The following GOT2 variants were observed in gnomAD, a reference collection of about 807,000 sequenced individuals.
The protein encoded by GOT2 is aspartate aminotransferase, mitochondrial.
GOT2 carries 17 observed loss-of-function variants against 50.0 expected under a neutral mutation model. That is an observed-to-expected ratio of 0.34 (90% CI 0.23 to 0.51). GOT2 has a LOEUF of 0.51. Among genes scored for constraint, GOT2 ranks in the 20% least tolerant of loss-of-function variants. The pLI is 0.97. For missense variants in GOT2, 430 were observed against 559.6 expected, an observed-to-expected ratio of 0.77 and a Z score of 2.34; for synonymous variants, 172 against 204.9, an observed-to-expected ratio of 0.84 and a Z score of 1.37.
chr16:58,728,842 G>A (rs1355176593), intron 1 of GOT2, among the ~76,000 whole-genome samples: 1 of 152,030 alleles, frequency 6.6e-6, no homozygotes, highest in Non-Finnish European at 1.5e-5. Context: ...CACCACGCCC[G>A]GCTAATTTTT....
In GOT2 at chr16:58,734,282, GAC is replaced by G. The variant is rs1346586551; in HGVS notation, c.-56_-55del. ...CGCAGGACGGAGCAGAGGGCGAGCG[GAC>G]ACACACACAGGGAACCGGCTCCTGC... On this transcript the variant is annotated 5_prime_UTR_variant, in exon 1 of 10. Coordinates refer to ENST00000245206, the MANE Select transcript of GOT2 (RefSeq NM_002080.4). The G allele has an allele frequency of 6.6e-5, 65 of 980,192 alleles. No homozygotes were observed. Among genetic ancestry groups the G allele is most frequent in the South Asian group, 2.1e-4 (5 of 23,440 alleles). 60.7% of individuals were successfully genotyped at this position (980,192 alleles called of 1,614,324 possible).
chr16:58,717,941 C>T (rs908643309), intron 6 of GOT2, among the ~76,000 whole-genome samples: 1 of 152,226 alleles, frequency 6.6e-6, no homozygotes, highest in Non-Finnish European at 1.5e-5. Context: ...CCTGCCTCGA[C>T]CTCCCAAAGT....
At chr16:58,726,035 T>A (rs257637) in intron 1 of GOT2, among the ~76,000 whole-genome samples, 107,199 of 152,104 alleles carry the variant, frequency 0.7, 38,494 homozygotes, top group Middle Eastern at 0.86. Context: ...TGTTATACTT[T>A]TTGATTCATT....
chr16:58,708,879 A>G (rs1474137343), intron 9 of GOT2, among the ~76,000 whole-genome samples: 2 of 152,108 alleles, frequency 1.3e-5, no homozygotes, highest in African/African-American at 2.4e-5. Flanking sequence ...AATGCTAAAA[A>G]GTATTACAAT....
At position 58,708,597 on chromosome 16, in the gene GOT2, C is replaced by T. The variant is rs185574031; in HGVS notation, c.1171-304G>A. ...TTGCGCCAATGCACTCCAGCCTGGG[C>T]GACACAGTGAGACTCCATCTCAAAA... On this transcript the variant is annotated intron_variant, in intron 9 of 9. Coordinates refer to ENST00000245206, the MANE Select transcript of GOT2 (RefSeq NM_002080.4). Among the ~76,000 whole-genome samples the T allele has an allele frequency of 5.2e-3, 763 of 147,292 alleles. 2 individuals are homozygous for T. Among genetic ancestry groups the T allele is most frequent in the African/African-American group, 0.018 (699 of 39,778 alleles).
At chr16:58,719,315 A>T (rs1454774136) in intron 3 of GOT2, 60 bp from the exon 4 acceptor site, 6 of 1,136,772 alleles carry the variant, frequency 5.3e-6, no homozygotes, top group Non-Finnish European at 6.7e-6. Context: ...GCCCAGACCC[A>T]GGGCCACTGC....
In GOT2 at chr16:58,709,344, GA is replaced by G. The variant is rs561297553; in HGVS notation, c.1170+72del. 212 of 1,213,296 alleles carry G rather than the reference GA, an allele frequency of 1.7e-4. No individual in the cohort carries two copies. The African/African-American group carries it at 2.5e-3, about 14-fold the overall frequency. 75.2% of individuals were successfully genotyped at this position (1,213,296 alleles called of 1,614,324 possible). On this transcript the variant is annotated intron_variant, in intron 9 of 9. Coordinates refer to ENST00000245206, the MANE Select transcript of GOT2 (RefSeq NM_002080.4). ...AAAACATTAAATAAAAAAGAAAAAA[GA>G]AAAAAAAGTAATCCTTCGGGTTTGC...
At chr16:58,717,973 C>T (rs939214817) in intron 6 of GOT2, among the ~76,000 whole-genome samples, 2 of 152,248 alleles carry the variant, frequency 1.3e-5, no homozygotes, top group African/African-American at 2.4e-5. Flanking sequence ...AGGCGTGAGC[C>T]ACCGCGCCCA....
intron 1 of GOT2, among the ~76,000 whole-genome samples, chr16:58,726,483 C>CTTTACTTATTTATTTATTTA (rs2044784493): frequency 6.9e-6 from 1 of 144,568 alleles, no homozygotes; most frequent in African/African-American, 2.6e-5. Flanking sequence ...CCCCGGCCTG[C>CTTTACTTATTTATTTATTTA]TTTATTTATT....
Position 58,734,172 on chromosome 16 carries a change from C to T in GOT2, c.57G>A (p.Pro19=), listed in dbSNP as rs754379149. 7 of 1,332,684 alleles carry T rather than the reference C, an allele frequency of 5.3e-6. No homozygotes were observed. In the South Asian group the frequency reaches 1.0e-4, roughly 19 times the overall value. 82.6% of individuals were successfully genotyped at this position (1,332,684 alleles called of 1,614,324 possible). Reference sequence around the variant, plus strand: ...TGGCAGAGGCCGCGGCGGCGAGGCCCGGGTGGAAGGCGGCGGCGATCCCGG... The same window carrying T: ...TGGCAGAGGCCGCGGCGGCGAGGCCTGGGTGGAAGGCGGCGGCGATCCCGG... ...VLPGIAAAFH[P]GLAAAASARA... The change falls in exon 1 of 10, where the codon CCG becomes CCA. Residue 19 remains proline (P), a synonymous_variant. Transcript: ENST00000245206.
At chr16:58,729,105 T>C (rs2044811569) in intron 1 of GOT2, among the ~76,000 whole-genome samples, 1 of 151,910 alleles carries the variant, frequency 6.6e-6, no homozygotes, top group African/African-American at 2.4e-5. Flanking sequence ...TTGCCTCTCA[T>C]TTTGTGTTGC....
intron 1 of GOT2, among the ~76,000 whole-genome samples, chr16:58,730,640 C>T (rs2044827742): frequency 6.6e-6 from 1 of 152,166 alleles, no homozygotes; most frequent in South Asian, 2.1e-4. Flanking sequence ...GCTGAGATTA[C>T]AGGTGTGAGC....
rs1418030467 is a variant in GOT2 at position 58,727,248 on chromosome 16, C to T, written c.90-3346G>A. Among the ~76,000 whole-genome samples, 3 of 152,264 alleles carry T rather than the reference C, an allele frequency of 2.0e-5. No homozygotes were observed. In the South Asian group the frequency reaches 6.2e-4, roughly 32 times the overall value. ...GACTCAAGCCATCCTCCCACCTCAG[C>T]CTTTCAAGTAGCTGGGACTACAGGC... is the stretch of plus-strand genomic sequence containing the variant. On this transcript the variant is annotated intron_variant, in intron 1 of 9. Transcript: ENST00000245206.
At position 58,716,677 on chromosome 16, in the gene GOT2, T is replaced by C; in HGVS notation, c.839A>G (p.Asn280Ser). 1 of 1,613,952 alleles carries C rather than the reference T, an allele frequency of 6.2e-7. No individual in the cohort carries two copies. Among genetic ancestry groups the C allele is most frequent in the East Asian group, 2.2e-5 (1 of 44,880 alleles). The change falls in exon 7 of 10, where the codon AAC becomes AGC. Residue 280 changes from asparagine to serine, a missense_variant. Transcript: ENST00000245206. ...CTGTAGCTTACCATATAAGCCCATGTTCTTGGCATATGATTGGCAGAGGCA... is the reference window on the plus strand; with the variant it reads ...CTGTAGCTTACCATATAAGCCCATGCTCTTGGCATATGATTGGCAGAGGCA... ...NVCLCQSYAK[N>S]MGLYGERVGA...
chr16:58,732,308 GA>G (rs879356343), intron 1 of GOT2, among the ~76,000 whole-genome samples: 402 of 143,506 alleles, frequency 2.8e-3, no homozygotes, highest in African/African-American at 5.0e-3. Flanking sequence ...TGTATTTAAA[GA>G]AAAAAAAAAA....
intron 1 of GOT2, among the ~76,000 whole-genome samples, chr16:58,730,338 C>T (rs868255355): frequency 6.6e-6 from 1 of 152,090 alleles, no homozygotes; most frequent in Non-Finnish European, 1.5e-5. Context: ...TCTTCCCATT[C>T]TCTACCCTCA....
chr16:58,715,991 T>C, intron 8 of GOT2, 23 bp downstream of exon 8: 1 of 1,589,508 alleles, frequency 6.3e-7, no homozygotes, highest in Non-Finnish European at 8.6e-7. Flanking sequence ...GGTAGGTGGC[T>C]GGGGAGTGGC....
At chr16:58,721,913 T>C in intron 3 of GOT2, 1 of 325,592 alleles carries the variant, frequency 3.1e-6, no homozygotes, top group Non-Finnish European at 5.7e-6. Context: ...CCTGAGTAGC[T>C]GGGATTACAG....
intron 1 of GOT2, among the ~76,000 whole-genome samples, chr16:58,729,679 CA>C (rs1189321591): frequency 6.6e-6 from 1 of 151,980 alleles, no homozygotes; most frequent in African/African-American, 2.4e-5. Flanking sequence ...CATAGAAACT[CA>C]GAAACCATAG....
Sources: gnomAD v4.1 joint callset for allele counts (sites outside exome capture counted in the v4.1 genomes callset) on GRCh38, gnomAD v4.1.1 for gene constraint, MANE v1.5 for transcripts, NCBI Gene and HGNC (gene_info 2026-07-23, HGNC 2026-07-21) for gene names.